TNFRSF21: variants seen among roughly 807,000 people sequenced by gnomAD.
TNFRSF21 encodes tumor necrosis factor receptor superfamily member 21.
Under a neutral mutation model 45.6 loss-of-function variants are expected in TNFRSF21, and 19 were observed. That is an observed-to-expected ratio of 0.42 (90% CI 0.29 to 0.61). The LOEUF is 0.61. Ranked by LOEUF, TNFRSF21 falls within the 20% of genes least tolerant of loss-of-function variation. The pLI is 0.23. For synonymous variants in TNFRSF21, 314 were observed against 335.5 expected (o/e 0.94, Z 0.70); for missense variants, 737 against 851.5 (o/e 0.87, Z 1.67).
chr6:47,237,199 T>C (rs950266372), intron 4 of TNFRSF21, among the ~76,000 whole-genome samples: 1 of 152,162 alleles, frequency 6.6e-6, no homozygotes, highest in Non-Finnish European at 1.5e-5. Context: ...GAAAATCTAC[T>C]CAGTTACTAA....
At chr6:47,307,023 T>C (rs1034039603) in intron 1 of TNFRSF21, among the ~76,000 whole-genome samples, 3 of 152,164 alleles carry the variant, frequency 2.0e-5, no homozygotes, top group African/African-American at 7.2e-5. Context: ...ATTTTATACA[T>C]TAACAAAGCC....
intron 4 of TNFRSF21, among the ~76,000 whole-genome samples, chr6:47,247,456 A>G (rs1764838717): frequency 6.6e-6 from 1 of 152,248 alleles, no homozygotes; most frequent in Admixed American, 6.5e-5. Flanking sequence ...TTGGAAAATT[A>G]ATGACAAAGA....
At chr6:47,300,357 A>G (rs965178147) in intron 1 of TNFRSF21, among the ~76,000 whole-genome samples, 6 of 151,878 alleles carry the variant, frequency 4.0e-5, no homozygotes, top group African/African-American at 1.5e-4. Context: ...CCATCAGCAA[A>G]TCTCTCCAAA....
intron 4 of TNFRSF21, among the ~76,000 whole-genome samples, chr6:47,251,596 A>G (rs1292685154): frequency 6.6e-6 from 1 of 152,118 alleles, no homozygotes; most frequent in East Asian, 1.9e-4. Flanking sequence ...CATCAGTCAT[A>G]TGTTATCTTT....
intron 4 of TNFRSF21, among the ~76,000 whole-genome samples, chr6:47,246,941 T>C (rs913120563): frequency 6.6e-6 from 1 of 152,242 alleles, no homozygotes; most frequent in Non-Finnish European, 1.5e-5. Flanking sequence ...ACTTCTATTA[T>C]AACATTTGCT....
chr6:47,300,822 C>T (rs1223461608), intron 1 of TNFRSF21, among the ~76,000 whole-genome samples: 1 of 152,198 alleles, frequency 6.6e-6, no homozygotes, highest in Non-Finnish European at 1.5e-5. Context: ...AAGGAAAGCC[C>T]ATGAATAGTT....
chr6:47,255,272 C>G (rs1041566612), intron 3 of TNFRSF21, among the ~76,000 whole-genome samples: 1 of 152,156 alleles, frequency 6.6e-6, no homozygotes, highest in Non-Finnish European at 1.5e-5. Flanking sequence ...ACCAACCGTT[C>G]GTGAGGGGAG....
At chr6:47,243,109 T>A (rs1330660344) in intron 4 of TNFRSF21, among the ~76,000 whole-genome samples, 1 of 152,232 alleles carries the variant, frequency 6.6e-6, no homozygotes, top group Non-Finnish European at 1.5e-5. Context: ...TAGCATTGCA[T>A]AATAAGTCCA....
chr6:47,304,283 C>CA (rs1443359386), intron 1 of TNFRSF21, among the ~76,000 whole-genome samples: 142 of 105,184 alleles, frequency 1.4e-3, no homozygotes, highest in Non-Finnish European at 2.1e-3. Context: ...TTCGTGTCAC[C>CA]AAAAAAAAAC....
At chr6:47,245,544 G>A (rs9473034) in intron 4 of TNFRSF21, among the ~76,000 whole-genome samples, 6 of 150,730 alleles carry the variant, frequency 4.0e-5, no homozygotes, top group Non-Finnish European at 8.9e-5. Context: ...TTCTCCTTAC[G>A]ATCTGCATAC....
intron 1 of TNFRSF21, among the ~76,000 whole-genome samples, chr6:47,304,750 A>G (rs1441564180): frequency 6.6e-6 from 1 of 152,084 alleles, no homozygotes; most frequent in Non-Finnish European, 1.5e-5. Flanking sequence ...CCCATTTACG[A>G]GGAATTTTTT....
At chr6:47,241,800 AC>A (rs1582315611) in intron 4 of TNFRSF21, among the ~76,000 whole-genome samples, 1 of 152,102 alleles carries the variant, frequency 6.6e-6, no homozygotes, top group East Asian at 1.9e-4. Context: ...AATTCCCCAA[AC>A]TTTTCCTGGG....
chr6:47,300,114 T>G (rs1762845174), intron 1 of TNFRSF21, among the ~76,000 whole-genome samples: 1 of 152,212 alleles, frequency 6.6e-6, no homozygotes, highest in Non-Finnish European at 1.5e-5. Flanking sequence ...CAGTGCCGAC[T>G]GGAGGGGATA....
chr6:47,265,397 GT>G (rs3830884), intron 3 of TNFRSF21, among the ~76,000 whole-genome samples: 45,477 of 149,988 alleles, frequency 0.3, 7,124 homozygotes, highest in Middle Eastern at 0.35. Flanking sequence ...GTTTTGTTTT[GT>G]TTTTTTTAAA....
intron 4 of TNFRSF21, among the ~76,000 whole-genome samples, chr6:47,251,227 T>C (rs763562198): frequency 3.3e-5 from 5 of 152,218 alleles, no homozygotes; most frequent in Non-Finnish European, 5.9e-5. Flanking sequence ...CTGCTAGACA[T>C]TGATGTATAT....
intron 4 of TNFRSF21, among the ~76,000 whole-genome samples, chr6:47,240,180 A>T (rs1363576625): frequency 6.6e-6 from 1 of 152,184 alleles, no homozygotes; most frequent in African/African-American, 2.4e-5. Flanking sequence ...GATAGTCCCC[A>T]GCAGAAAGCT....
rs183047510 is a variant in TNFRSF21, at chr6:47,301,928, T to C, written c.96+7488A>G. 4.1e-3 allele frequency among the ~76,000 whole-genome samples: 629 copies of C among 152,306 alleles called. 1 individual carries two copies. The highest frequency in any genetic ancestry group is 7.4e-3 in the Non-Finnish European group (501 of 68,032). ...AATTATTCTGGGGACCTGTTACCAT[T>C]TGCCTTGGAATCTCTTTCTTCCTTC... On this transcript the variant is annotated intron_variant, in intron 1 of 5. Coordinates refer to ENST00000296861, the MANE Select transcript of TNFRSF21 (RefSeq NM_014452.5).
At chr6:47,259,965 G>T (rs988699015) in intron 3 of TNFRSF21, among the ~76,000 whole-genome samples, 10 of 152,160 alleles carry the variant, frequency 6.6e-5, no homozygotes, top group African/African-American at 2.4e-4. Context: ...TTTCACTTAA[G>T]TAAAATAGAA....
chr6:47,284,200 G>GGGC lies in TNFRSF21; in HGVS notation c.978_980dup (p.Pro327dup). ...GATGTCCCCTCTTGGGGCCCTTGAT[G>GGGC]GGCGTGCTGGACTTCTCGCCCCCAG... is the stretch of plus-strand genomic sequence containing the variant. On this transcript the variant is annotated inframe_insertion, in exon 3 of 6. Transcript: ENST00000296861. 2.5e-6 allele frequency: 4 copies of GGGC among 1,614,180 alleles called. No homozygotes were observed. The highest frequency in any genetic ancestry group is 3.4e-6 in the Non-Finnish European group (4 of 1,180,022).
Sources: allele counts gnomAD v4.1 joint callset (sites outside exome capture counted in the v4.1 genomes callset), GRCh38; gene constraint gnomAD v4.1.1; transcripts MANE v1.5; gene names NCBI Gene and HGNC (gene_info 2026-07-23, HGNC 2026-07-21).